TMC3: variants seen among roughly 807,000 people sequenced by gnomAD.
TMC3 encodes transmembrane channel-like protein 3.
A neutral mutation model predicts 110.6 loss-of-function variants in TMC3; 98 were observed. The ratio of observed to expected loss-of-function variants is 0.89; its 90% CI spans 0.75 to 1.05. The LOEUF is 1.05. TMC3 is among the 50% of genes least tolerant of loss of function. The pLI is 0.00. For synonymous variants in TMC3, 489 were observed against 513.1 expected, an observed-to-expected ratio of 0.95 and a Z score of 0.63; for missense variants, 1,319 against 1,373.2, an observed-to-expected ratio of 0.96 and a Z score of 0.62.
intron 15 of TMC3, among the ~76,000 whole-genome samples, chr15:81,342,580 GA>G (rs1342882088): frequency 1.3e-5 from 2 of 152,304 alleles, no homozygotes; most frequent in East Asian, 3.9e-4. Context: ...AATTTGACAG[GA>G]GGCGTATTAC....
At chr15:81,343,883 T>C (rs756570343) in intron 14 of TMC3, 34 bp downstream of exon 14, 5 of 1,603,150 alleles carry the variant, frequency 3.1e-6, no homozygotes, top group African/African-American at 2.7e-5. Flanking sequence ...TTTGGCCATA[T>C]AAACTTTCCC....
Position 81,333,095 on chromosome 15 carries a change from A to C in TMC3, c.2627T>G (p.Leu876Arg), listed in dbSNP as rs1049060300. Reference protein sequence around the residue: ...PHRGPQASTLLAQGPRPHAPR... With the variant: ...PHRGPQASTLRAQGPRPHAPR... ...GGCGTGGGGCCTGGGACCCTGTGCC[A>C]GCAAAGTCGAGGCCTGTGGTCCACG... The change falls in exon 22 of 22, where the codon CTG (leucine) becomes CGG (arginine). Residue 876 changes from leucine (L) to arginine (R), a missense_variant. Leu to Arg is a moderately radical substitution (Grantham distance 102). Transcript: ENST00000359440. 6 of 1,614,054 alleles carry C rather than the reference A, an allele frequency of 3.7e-6. No individual in the cohort carries two copies. In the Admixed American group the frequency reaches 6.7e-5, roughly 18 times the overall value.
rs1318772013 is a variant in TMC3 at position 81,344,926 on chromosome 15, C to A, written c.1358G>T (p.Trp453Leu). Residue 453 changes from tryptophan (W) to leucine (L), a missense_variant, in exon 13 of 22, where the codon TGG becomes TTG. Trp to Leu is a moderately conservative substitution (Grantham distance 61). Coordinates refer to ENST00000359440, the MANE Select transcript of TMC3 (RefSeq NM_001080532.3). ...CCCCATTCCAGGCCGAGATGTGGACCATTTCTCTTCTTCAGGGGCTGTCCT... is the reference window on the plus strand; with the variant it reads ...CCCCATTCCAGGCCGAGATGTGGACAATTTCTCTTCTTCAGGGGCTGTCCT... The part of the protein sequence containing the change: ...ATRTAPEEEK[W>L]STSRPGMGLR... The A allele has an allele frequency of 1.9e-6, 3 of 1,613,744 alleles. No individual in the cohort carries two copies. Among genetic ancestry groups the A allele is most frequent in the Non-Finnish European group, 2.5e-6 (3 of 1,179,818 alleles).
chr15:81,361,176 T>C (rs1894179531), intron 4 of TMC3, among the ~76,000 whole-genome samples: 1 of 152,216 alleles, frequency 6.6e-6, no homozygotes, highest in Non-Finnish European at 1.5e-5. Flanking sequence ...TTTTTATGTA[T>C]GTAAGTTTTC....
chr15:81,334,758 A>G lies in TMC3; in HGVS notation c.2421T>C (p.Pro807=). Reference sequence around the variant, plus strand: ...GCTCTAGCCTGGATTTGGGGACCCCAGGGAGAGGTGAGCTAGGAGCCCTGT... The same window carrying G: ...GCTCTAGCCTGGATTTGGGGACCCCGGGGAGAGGTGAGCTAGGAGCCCTGT... ...PGDRAPSSPL[P]GVPKSRLEHE... The change falls in exon 21 of 22, where the codon CCT becomes CCC. Residue 807 remains proline (P), a synonymous_variant. Coordinates refer to ENST00000359440, the MANE Select transcript of TMC3 (RefSeq NM_001080532.3). The G allele has an allele frequency of 3.1e-6, 5 of 1,613,968 alleles. No individual in the cohort carries two copies. Among genetic ancestry groups the G allele is most frequent in the Non-Finnish European group, 4.2e-6 (5 of 1,179,868 alleles).
intron 3 of TMC3, among the ~76,000 whole-genome samples, chr15:81,362,608 G>C (rs1373581416): frequency 6.6e-6 from 1 of 152,150 alleles, no homozygotes; most frequent in African/African-American, 2.4e-5. Flanking sequence ...TAGGGTTGCA[G>C]TTTGCATTAG....
chr15:81,348,684 C>G lies in TMC3; in HGVS notation c.1193+774G>C, dbSNP rs999989515. On this transcript the variant is annotated intron_variant, in intron 11 of 21. Coordinates refer to ENST00000359440, the MANE Select transcript of TMC3 (RefSeq NM_001080532.3). ...GGGGGAACTGTTCACAAAGCATTGA[C>G]TGTTCTTCTTGCGTCTGGAAAAACA... Among the ~76,000 whole-genome samples the G allele has an allele frequency of 4.4e-4, 67 of 152,342 alleles. 1 individual carries two copies. The highest frequency in any genetic ancestry group is 1.6e-3 in the African/African-American group (66 of 41,588).
rs1384145107 is a variant in TMC3, at chr15:81,374,141, G to T, written c.-64C>A. The T allele has an allele frequency of 1.4e-6, 2 of 1,468,044 alleles. No individual in the cohort carries two copies. The highest frequency in any genetic ancestry group is 1.9e-6 in the Non-Finnish European group (2 of 1,057,146). 90.9% of individuals were successfully genotyped at this position (1,468,044 alleles called of 1,614,324 possible). A position where few individuals can be genotyped will look rare whatever the true frequency, so the allele number is the denominator to read the frequency against. ...AGAGCTAGGAAGTTGGCAGGCAAAG[G>T]TCTGTTCCGAGGTTTCTGAATGGAA... is the stretch of plus-strand genomic sequence containing the variant. On this transcript the variant is annotated 5_prime_UTR_variant, in exon 1 of 22. Coordinates refer to ENST00000359440, the MANE Select transcript of TMC3 (RefSeq NM_001080532.3).
intron 10 of TMC3, among the ~76,000 whole-genome samples, chr15:81,350,098 AG>A (rs1042819881): frequency 1.3e-5 from 2 of 151,306 alleles, no homozygotes; most frequent in African/African-American, 4.8e-5. Context: ...AAAAAAAAAA[AG>A]TGGCACATGC....
chr15:81,341,444 C>G lies in TMC3; in HGVS notation c.1790G>C (p.Ser597Thr). The G allele has an allele frequency of 6.2e-7, 1 of 1,611,774 alleles. No homozygotes were observed. Among genetic ancestry groups the G allele is most frequent in the South Asian group, 1.1e-5 (1 of 90,464 alleles). Residue 597 changes from serine to threonine, a missense_variant, in exon 16 of 22, where the codon AGC becomes ACC. Ser to Thr is a moderately conservative substitution (Grantham distance 58). Coordinates refer to ENST00000359440, the MANE Select transcript of TMC3 (RefSeq NM_001080532.3). The part of the protein sequence containing the change: ...LKLIGLMYLR[S>T]WAVLTCNVPH... ...CACATTGCAGGTCAGCACAGCCCAG[C>G]TTCTCAGGTACATGAGCCCAATGAG...
intron 3 of TMC3, among the ~76,000 whole-genome samples, chr15:81,366,608 C>A (rs1223388550): frequency 6.6e-6 from 1 of 152,128 alleles, no homozygotes; most frequent in African/African-American, 2.4e-5. Context: ...TGTAGCACTT[C>A]AGCTTATTTA....
chr15:81,357,937 C>A (rs574836325), intron 7 of TMC3, among the ~76,000 whole-genome samples: 3 of 152,276 alleles, frequency 2.0e-5, no homozygotes, highest in African/African-American at 4.8e-5. Context: ...AGCCTTGGTT[C>A]TTCTCATCTG....
chr15:81,343,211 CTAAG>C (rs1301917988), intron 15 of TMC3, 63 bp downstream of exon 15: 2 of 991,048 alleles, frequency 2.0e-6, no homozygotes, highest in East Asian at 2.4e-5. Context: ...CCCATCTAGA[CTAAG>C]TAAATTAAAA....
chr15:81,373,116 A>G (rs1894474887), intron 1 of TMC3, among the ~76,000 whole-genome samples: 1 of 152,162 alleles, frequency 6.6e-6, no homozygotes, highest in Admixed American at 6.5e-5. Flanking sequence ...TTTCTTTTTC[A>G]GGCTCATTGA....
intron 4 of TMC3, among the ~76,000 whole-genome samples, chr15:81,360,621 G>A (rs962994591): frequency 2.6e-5 from 4 of 152,142 alleles, no homozygotes; most frequent in East Asian, 1.9e-4. Flanking sequence ...AGGGAAGGTC[G>A]GGGGAAAGAG....
At chr15:81,352,247 G>A (rs1046803108) in intron 9 of TMC3, among the ~76,000 whole-genome samples, 2 of 152,202 alleles carry the variant, frequency 1.3e-5, no homozygotes, top group African/African-American at 4.8e-5. Context: ...AAGAGAGGAA[G>A]GGAGGACACA....
chr15:81,359,710 A>G (rs1894147069), intron 4 of TMC3, among the ~76,000 whole-genome samples: 1 of 152,248 alleles, frequency 6.6e-6, no homozygotes, highest in Non-Finnish European at 1.5e-5. Context: ...GCTATTTGAT[A>G]GTCACTTCCC....
chr15:81,363,039 G>A (rs1317730067), intron 3 of TMC3, among the ~76,000 whole-genome samples: 1 of 152,150 alleles, frequency 6.6e-6, no homozygotes, highest in African/African-American at 2.4e-5. Flanking sequence ...GGCAGATCAC[G>A]AGGTCAGGAG....
In TMC3 at chr15:81,338,756, A is replaced by G; in HGVS notation, c.1980T>C (p.Ile660=). The change falls in exon 18 of 22, where the codon ATT becomes ATC. Residue 660 remains isoleucine, a synonymous_variant. Transcript: ENST00000359440. ...PFSGQEKIYD[I]VSETIEKDFP... ...AGTCTTTCTCAATCGTTTCTGACACAATGTCATAAATTTTCTCTTGTCCAC... is the reference window on the plus strand; with the variant it reads ...AGTCTTTCTCAATCGTTTCTGACACGATGTCATAAATTTTCTCTTGTCCAC... 6.2e-7 allele frequency: 1 copy of G among 1,613,860 alleles called. No individual in the cohort carries two copies. Among genetic ancestry groups the G allele is most frequent in the Non-Finnish European group, 8.5e-7 (1 of 1,179,824 alleles).
Sources: allele counts gnomAD v4.1 joint callset (sites outside exome capture counted in the v4.1 genomes callset), GRCh38; gene constraint gnomAD v4.1.1; transcripts MANE v1.5; gene names NCBI Gene and HGNC (gene_info 2026-07-23, HGNC 2026-07-21).